The following SYN3 variants were observed in gnomAD, a reference collection of about 807,000 sequenced individuals.
SYN3 encodes synapsin III.
In SYN3, 35 loss-of-function variants were observed where a neutral mutation model predicts 65.8. That is an observed-to-expected ratio of 0.53 (90% CI 0.41 to 0.70). The LOEUF (loss-of-function observed/expected upper bound fraction) is 0.70, where lower values mean the gene tolerates loss of function less well. Among genes scored for constraint, SYN3 ranks in the 30% least tolerant of loss-of-function variants. The pLI, the probability that SYN3 is intolerant of heterozygous loss-of-function variation, is 0.00. For missense variants in SYN3, 680 were observed against 749.0 expected (o/e 0.91, Z 1.08); for synonymous variants, 270 against 292.9 (o/e 0.92, Z 0.80).
chr22:32,761,774 G>A (rs1228616326), intron 6 of SYN3, among the ~76,000 whole-genome samples: 2 of 152,166 alleles, frequency 1.3e-5, no homozygotes, highest in Admixed American at 1.3e-4. Context: ...GTGATTCAGC[G>A]AAACAACCTC....
rs1397436793 is a variant in SYN3, at chr22:32,980,643, A to T, written c.369+2T>A. On this transcript the variant is annotated splice_donor_variant, in intron 3 of 13. Transcript: ENST00000358763. LOFTEE classifies it high-confidence loss of function. ...AGTGCTAAAGACACAGCTCCCACCT[A>T]CCTGCTCCACTCGGATCTCAATCTC... 1.2e-6 allele frequency: 2 copies of T among 1,613,952 alleles called. No individual in the cohort carries two copies. The highest frequency in any genetic ancestry group is 1.7e-6 in the Non-Finnish European group (2 of 1,179,868).
chr22:32,677,188 A>C (rs1326264900), intron 6 of SYN3, among the ~76,000 whole-genome samples: 1 of 152,192 alleles, frequency 6.6e-6, no homozygotes, highest in African/African-American at 2.4e-5. Context: ...AAAATGCTCT[A>C]GCACCTGGGA....
At chr22:32,943,979 G>A (rs1601750028) in intron 3 of SYN3, among the ~76,000 whole-genome samples, 1 of 152,266 alleles carries the variant, frequency 6.6e-6, no homozygotes, top group East Asian at 1.9e-4. Flanking sequence ...AAGAGACTTA[G>A]ACTCCCACAC....
chr22:32,863,077 C>T (rs5754315), intron 6 of SYN3: 41,989 of 152,492 alleles, frequency 0.28, 6,009 homozygotes, highest in African/African-American at 0.34. Context: ...GTTCTGACGC[C>T]ACGGGGAGTT....
chr22:32,509,731 G>A lies in SYN3; in HGVS notation c.*3961C>T, dbSNP rs1412873755. Among the ~76,000 whole-genome samples, 2 of 151,946 alleles carry A rather than the reference G, an allele frequency of 1.3e-5. No homozygotes were observed. Among genetic ancestry groups the A allele is most frequent in the Admixed American group, 6.6e-5 (1 of 15,246 alleles). ...CTACAGGCGCCCGCTACCACGCCCG[G>A]CTAATTTTTTATATTTTTAGTAGAG... is the stretch of plus-strand genomic sequence containing the variant. On this transcript the variant is annotated 3_prime_UTR_variant, in exon 14 of 14. Coordinates refer to ENST00000358763, the MANE Select transcript of SYN3 (RefSeq NM_003490.4).
At chr22:33,007,665 C>G (rs772961359) in intron 1 of SYN3, among the ~76,000 whole-genome samples, 13 of 152,218 alleles carry the variant, frequency 8.5e-5, no homozygotes, top group Non-Finnish European at 1.5e-4. Context: ...AGAGAGCCCT[C>G]ACCAGAACCA....
At chr22:32,723,152 G>C (rs1057048437) in intron 6 of SYN3, among the ~76,000 whole-genome samples, 1 of 152,186 alleles carries the variant, frequency 6.6e-6, no homozygotes, top group African/African-American at 2.4e-5. Context: ...GCCATCTGCC[G>C]CCAGAAAGGT....
intron 8 of SYN3, among the ~76,000 whole-genome samples, chr22:32,538,886 C>T (rs767827387): frequency 3.9e-5 from 6 of 152,196 alleles, no homozygotes; most frequent in Admixed American, 6.5e-5. Flanking sequence ...AGAATCCTGA[C>T]GGTAGGGGAC....
At chr22:32,568,798 A>G (rs995309714) in intron 7 of SYN3, among the ~76,000 whole-genome samples, 10 of 152,186 alleles carry the variant, frequency 6.6e-5, no homozygotes, top group African/African-American at 2.4e-4. Context: ...GTTGGTAACA[A>G]ATTGGTAGAA....
chr22:32,578,184 CTCTT>C (rs71724252), intron 7 of SYN3, among the ~76,000 whole-genome samples: 21,791 of 150,842 alleles, frequency 0.14, 1,828 homozygotes, highest in East Asian at 0.29. Flanking sequence ...TTCTTTCTTT[CTCTT>C]TCTTTCTTTC....
intron 2 of SYN3, among the ~76,000 whole-genome samples, chr22:32,999,683 T>C (rs1355031257): frequency 7.9e-6 from 1 of 126,438 alleles, no homozygotes; most frequent in Non-Finnish European, 1.8e-5. Context: ...ACTCTGTCTC[T>C]AAAAAACAAA....
At chr22:32,727,093 T>C (rs1370562450) in intron 6 of SYN3, among the ~76,000 whole-genome samples, 1 of 152,080 alleles carries the variant, frequency 6.6e-6, no homozygotes, top group Non-Finnish European at 1.5e-5. Flanking sequence ...ACCTAGGTAT[T>C]AAGCCCAGCA....
chr22:33,026,686 G>A (rs1163736454), intron 1 of SYN3, among the ~76,000 whole-genome samples: 1 of 152,136 alleles, frequency 6.6e-6, no homozygotes, highest in Non-Finnish European at 1.5e-5. Flanking sequence ...TGTTGCCCCT[G>A]GGAGGACCAA....
At chr22:32,636,401 CAAA>C (rs57388108) in intron 6 of SYN3, among the ~76,000 whole-genome samples, 16 of 101,652 alleles carry the variant, frequency 1.6e-4, no homozygotes, top group South Asian at 2.9e-4. Flanking sequence ...GACTCCATCT[CAAA>C]AAAAAAAAAA....
chr22:32,743,445 A>C (rs941297300), intron 6 of SYN3, among the ~76,000 whole-genome samples: 5 of 152,184 alleles, frequency 3.3e-5, no homozygotes, highest in African/African-American at 1.2e-4. Context: ...AGAGGAAGGA[A>C]AGAAAGGTTG....
chr22:33,015,375 G>A, intron 1 of SYN3: 1 of 475,982 alleles, frequency 2.1e-6, no homozygotes, highest in Non-Finnish European at 3.8e-6. Flanking sequence ...GGGCGAATTT[G>A]TAATGAAAGA....
intron 7 of SYN3, among the ~76,000 whole-genome samples, chr22:32,584,634 C>A (rs12158380): frequency 0.033 from 5,084 of 152,264 alleles, 310 homozygotes; most frequent in African/African-American, 0.12. Context: ...TAAGAACAGA[C>A]AATTTATTTC....
At chr22:32,920,133 C>T (rs1424960356) in intron 4 of SYN3, among the ~76,000 whole-genome samples, 1 of 152,170 alleles carries the variant, frequency 6.6e-6, no homozygotes, top group South Asian at 2.1e-4. Flanking sequence ...TTCTAATGAG[C>T]GGATGCACAT....
chr22:32,858,772 G>C (rs977124850), intron 6 of SYN3, among the ~76,000 whole-genome samples: 1 of 152,136 alleles, frequency 6.6e-6, no homozygotes. Context: ...ACAGTTCACT[G>C]AATCTGGTTT....
Sources: allele counts gnomAD v4.1 joint callset (sites outside exome capture counted in the v4.1 genomes callset), GRCh38; gene constraint gnomAD v4.1.1; transcripts MANE v1.5; gene names NCBI Gene and HGNC (gene_info 2026-07-23, HGNC 2026-07-21).